RNF145: variants seen among roughly 807,000 people sequenced by gnomAD.
The protein encoded by RNF145 is ring finger protein 145.
In RNF145, 12 loss-of-function variants were observed where a neutral mutation model predicts 57.3. The ratio of observed to expected loss-of-function variants is 0.21; its 90% CI spans 0.13 to 0.34. The LOEUF is 0.34. Ranked by LOEUF, RNF145 falls within the 10% of genes least tolerant of loss-of-function variation. RNF145 has a pLI of 1.00. For missense variants in RNF145, 429 were observed against 799.0 expected, an observed-to-expected ratio of 0.54 and a Z score of 5.58; for synonymous variants, 262 against 288.3, an observed-to-expected ratio of 0.91 and a Z score of 0.92.
intron 3 of RNF145, among the ~76,000 whole-genome samples, chr5:159,192,668 A>G (rs1364537352): frequency 1.3e-5 from 2 of 152,172 alleles, no homozygotes; most frequent in Non-Finnish European, 2.9e-5. Flanking sequence ...AGCTTTATAT[A>G]CCTTATCTTA....
intron 6 of RNF145, 101 bp downstream of exon 6, chr5:159,173,882 G>A: frequency 1.2e-6 from 1 of 813,850 alleles, no homozygotes; most frequent in Non-Finnish European, 1.8e-6. Context: ...ACGAAGTTGT[G>A]TAACATGAAC....
Position 159,186,851 on chromosome 5 carries a change from C to G in RNF145, c.294-4800G>C, listed in dbSNP as rs1785076278. 2.6e-5 allele frequency among the ~76,000 whole-genome samples: 4 copies of G among 152,264 alleles called. No homozygotes were observed. In the South Asian group the frequency reaches 6.2e-4, roughly 24 times the overall value. On this transcript the variant is annotated intron_variant, in intron 3 of 10. Transcript: ENST00000424310. ...TAAGTTTAGAATATAAATGGTAATA[C>G]TCATTTTAACAATCCAAGCTACTTG... is the stretch of plus-strand genomic sequence containing the variant.
In RNF145 at chr5:159,158,353, T is replaced by G. The variant is rs1183364002; in HGVS notation, c.*317A>C. 1 of 302,722 alleles carries G rather than the reference T, an allele frequency of 3.3e-6. No homozygotes were observed. Among genetic ancestry groups the G allele is most frequent in the Non-Finnish European group, 6.3e-6 (1 of 158,838 alleles). The allele number at this position is 302,722 out of a possible 1,614,324, so 18.8% of individuals were successfully genotyped here. On this transcript the variant is annotated 3_prime_UTR_variant, in exon 11 of 11. Coordinates refer to ENST00000424310, the MANE Select transcript of RNF145 (RefSeq NM_001199383.2). Reference sequence around the variant, plus strand: ...CTCAGTCCCTTCAACACTCAAAATCTGATTTTATTTCTCTCTCACACGTAT... The same window carrying G: ...CTCAGTCCCTTCAACACTCAAAATCGGATTTTATTTCTCTCTCACACGTAT...
At chr5:159,188,817 T>C (rs751604185) in intron 3 of RNF145, among the ~76,000 whole-genome samples, 80 of 152,206 alleles carry the variant, frequency 5.3e-4, no homozygotes, top group Non-Finnish European at 8.8e-4. Flanking sequence ...TAAGTTTCAT[T>C]ATGTAAATAC....
chr5:159,187,055 C>T (rs866937511), intron 3 of RNF145, among the ~76,000 whole-genome samples: 98 of 151,734 alleles, frequency 6.5e-4, no homozygotes, highest in Admixed American at 5.9e-4. Flanking sequence ...CCAAGGTGGG[C>T]GGATCACCTG....
At chr5:159,207,068 G>A (rs1785913897) in intron 1 of RNF145, among the ~76,000 whole-genome samples, 1 of 152,066 alleles carries the variant, frequency 6.6e-6, no homozygotes, top group Non-Finnish European at 1.5e-5. Context: ...AGGCTTAGAA[G>A]CAGCAATCCG....
rs958428921 is a variant in RNF145, at chr5:159,209,055, G to A, written c.-40+176C>T. ...AGGGAGGGGTGCTGCGGCTGAAGAG[G>A]GGATGTGGACTCCTCCAATGCTAGG... On this transcript the variant is annotated intron_variant, in intron 1 of 10. Transcript: ENST00000424310. Among the ~76,000 whole-genome samples, 7 of 152,024 alleles carry A rather than the reference G, an allele frequency of 4.6e-5. No homozygotes were observed. In the South Asian group the frequency reaches 1.5e-3, roughly 32 times the overall value.
At chr5:159,168,662 TA>T (rs1439232078) in intron 8 of RNF145, among the ~76,000 whole-genome samples, 1 of 152,078 alleles carries the variant, frequency 6.6e-6, no homozygotes, top group African/African-American at 2.4e-5. Flanking sequence ...CATTTTTAAC[TA>T]AAAAATCTTG....
intron 4 of RNF145, among the ~76,000 whole-genome samples, chr5:159,177,482 T>C (rs181807487): frequency 7.6e-4 from 115 of 152,182 alleles, no homozygotes; most frequent in African/African-American, 2.7e-3. Context: ...TCTCAGTCTC[T>C]TATAATCCCA....
intron 3 of RNF145, among the ~76,000 whole-genome samples, chr5:159,185,927 A>T (rs977556162): frequency 4.6e-5 from 7 of 152,150 alleles, no homozygotes; most frequent in Admixed American, 1.3e-4. Flanking sequence ...AATGTACAAG[A>T]TCTATGAAAA....
intron 1 of RNF145, among the ~76,000 whole-genome samples, chr5:159,206,319 A>C (rs745592556): frequency 6.6e-6 from 1 of 152,206 alleles, no homozygotes; most frequent in Non-Finnish European, 1.5e-5. Flanking sequence ...CAAGCTGGTC[A>C]TGTATAAAGG....
intron 3 of RNF145, among the ~76,000 whole-genome samples, chr5:159,190,498 C>A (rs891470237): frequency 6.6e-5 from 10 of 151,876 alleles, no homozygotes; most frequent in Admixed American, 4.6e-4. Flanking sequence ...TCAGTCTGGG[C>A]AACACAGCAA....
chr5:159,179,717 T>TA (rs1784825508), intron 4 of RNF145, among the ~76,000 whole-genome samples: 1 of 152,142 alleles, frequency 6.6e-6, no homozygotes, highest in Admixed American at 6.6e-5. Context: ...TTACCGTTAA[T>TA]AAATATGCCA....
intron 8 of RNF145, among the ~76,000 whole-genome samples, chr5:159,166,945 G>A (rs1315024243): frequency 2.0e-5 from 3 of 151,992 alleles, no homozygotes; most frequent in Non-Finnish European, 2.9e-5. Context: ...GCAACATAGC[G>A]AGATTCCATC....
chr5:159,195,606 G>C (rs1178452796), intron 2 of RNF145, among the ~76,000 whole-genome samples: 1 of 152,032 alleles, frequency 6.6e-6, no homozygotes, highest in East Asian at 1.9e-4. Context: ...GTTACTCTTT[G>C]GCTCTGTTCA....
At chr5:159,183,826 G>A (rs1024275915) in intron 3 of RNF145, among the ~76,000 whole-genome samples, 12 of 152,148 alleles carry the variant, frequency 7.9e-5, no homozygotes, top group Non-Finnish European at 1.3e-4. Context: ...AGGGGCTGGG[G>A]AGAAGGGGAG....
intron 3 of RNF145, among the ~76,000 whole-genome samples, chr5:159,193,246 G>C (rs1372337499): frequency 6.6e-6 from 1 of 152,178 alleles, no homozygotes; most frequent in African/African-American, 2.4e-5. Flanking sequence ...TGTGAGGATT[G>C]CAAGAAATGC....
intron 4 of RNF145, among the ~76,000 whole-genome samples, chr5:159,179,997 G>A (rs1784837383): frequency 6.6e-6 from 1 of 152,090 alleles, no homozygotes. Context: ...TAGAAAACCT[G>A]CAAGTGGGAG....
At chr5:159,167,204 T>A (rs1380338485) in intron 8 of RNF145, among the ~76,000 whole-genome samples, 2 of 152,224 alleles carry the variant, frequency 1.3e-5, no homozygotes, top group African/African-American at 2.4e-5. Flanking sequence ...CTTATTACTG[T>A]AGGCAATGGT....
Sources: allele counts gnomAD v4.1 joint callset (sites outside exome capture counted in the v4.1 genomes callset), GRCh38; gene constraint gnomAD v4.1.1; transcripts MANE v1.5; gene names NCBI Gene and HGNC (gene_info 2026-07-23, HGNC 2026-07-21).